The following LPAR1 variants were observed in gnomAD, a reference collection of about 807,000 sequenced individuals.
LPAR1 encodes lysophosphatidic acid receptor 1.
In LPAR1, 5 loss-of-function variants were observed where a neutral mutation model predicts 23.8. The ratio of observed to expected loss-of-function variants is 0.21; its 90% CI spans 0.11 to 0.44. The LOEUF (loss-of-function observed/expected upper bound fraction) is 0.44, where lower values mean the gene tolerates loss of function less well. Among genes scored for constraint, LPAR1 ranks in the 20% least tolerant of loss-of-function variants. The pLI is 0.99. For missense variants in LPAR1, 311 were observed against 482.8 expected, an observed-to-expected ratio of 0.64 and a Z score of 3.33; for synonymous variants, 160 against 164.7, an observed-to-expected ratio of 0.97 and a Z score of 0.22.
intron 2 of LPAR1, among the ~76,000 whole-genome samples, chr9:111,021,835 C>A (rs2097564817): frequency 6.6e-6 from 1 of 151,894 alleles, no homozygotes; most frequent in African/African-American, 2.4e-5. Flanking sequence ...GGGGCAGACA[C>A]CTGTAATCCC....
rs1371104919 is a variant in LPAR1 at position 110,892,856 on chromosome 9, GGCAGGCAGGCAT to G, written c.794-17146_794-17135del. ...AGGCAGGCAGGCAGGCAGGCAGGCA[GGCAGGCAGGCAT>G]GCAGGCAGGCAGGCTCAAAAACACT... is the stretch of plus-strand genomic sequence containing the variant. On this transcript the variant is annotated intron_variant, in intron 5 of 5. Coordinates refer to ENST00000683809, the MANE Select transcript of LPAR1 (RefSeq NM_001351411.2). Among the ~76,000 whole-genome samples, 687 of 112,182 alleles carry G rather than the reference GGCAGGCAGGCAT, an allele frequency of 6.1e-3. 6 individuals are homozygous for G. Among genetic ancestry groups the G allele is most frequent in the South Asian group, 0.013 (40 of 3,158 alleles). 73.6% of individuals were successfully genotyped at this position (112,182 alleles called of 152,430 possible). A position where few individuals can be genotyped will look rare whatever the true frequency, so the allele number is the denominator to read the frequency against.
intron 5 of LPAR1, among the ~76,000 whole-genome samples, chr9:110,938,598 A>G (rs1398372377): frequency 6.6e-6 from 1 of 152,132 alleles, no homozygotes; most frequent in East Asian, 1.9e-4. Context: ...TTATGCCTGC[A>G]ATCCCAGCAT....
At chr9:110,914,384 G>C (rs2092815870) in intron 5 of LPAR1, among the ~76,000 whole-genome samples, 1 of 152,186 alleles carries the variant, frequency 6.6e-6, no homozygotes, top group Non-Finnish European at 1.5e-5. Context: ...GAGGGAGAAT[G>C]AGAGCCAAGT....
At chr9:110,946,759 C>T (rs2095397462) in intron 4 of LPAR1, among the ~76,000 whole-genome samples, 1 of 151,976 alleles carries the variant, frequency 6.6e-6, no homozygotes, top group South Asian at 2.1e-4. Context: ...AATAATTGTT[C>T]TTCATAGGGT....
At chr9:110,876,709 T>C (rs1259570674) in intron 5 of LPAR1, among the ~76,000 whole-genome samples, 1 of 152,248 alleles carries the variant, frequency 6.6e-6, no homozygotes, top group Admixed American at 6.5e-5. Flanking sequence ...GATGTTCTAC[T>C]AATTTAGATC....
intron 2 of LPAR1, among the ~76,000 whole-genome samples, chr9:110,988,506 T>C (rs1450957595): frequency 6.6e-6 from 1 of 152,110 alleles, no homozygotes; most frequent in Non-Finnish European, 1.5e-5. Flanking sequence ...TGAATAGATA[T>C]TTTTCTAAGA....
chr9:111,006,861 A>G (rs1292565394), intron 2 of LPAR1, among the ~76,000 whole-genome samples: 1 of 152,110 alleles, frequency 6.6e-6, no homozygotes, highest in Non-Finnish European at 1.5e-5. Context: ...TTTGTCTCCA[A>G]CCAAATCTCA....
At chr9:110,998,123 T>C (rs570243676) in intron 2 of LPAR1, among the ~76,000 whole-genome samples, 36 of 152,310 alleles carry the variant, frequency 2.4e-4, no homozygotes, top group African/African-American at 8.4e-4. Flanking sequence ...GTGCTGCTCA[T>C]GGGGCCACAC....
chr9:110,997,301 G>C (rs2097032238), intron 2 of LPAR1, among the ~76,000 whole-genome samples: 1 of 152,156 alleles, frequency 6.6e-6, no homozygotes, highest in Non-Finnish European at 1.5e-5. Context: ...TAAAGAACAA[G>C]AGTCATGGAT....
intron 5 of LPAR1, among the ~76,000 whole-genome samples, chr9:110,906,530 T>C (rs900358281): frequency 1.3e-5 from 2 of 152,156 alleles, no homozygotes; most frequent in African/African-American, 4.8e-5. Context: ...GCCAAAATGG[T>C]CACCTCAAAA....
chr9:111,038,811 C>A (rs1009295387), upstream of LPAR1: 4 of 329,450 alleles, frequency 1.2e-5, no homozygotes, highest in Admixed American at 3.9e-5. The surrounding 1 kb of genome is among the most constrained non-coding windows in gnomAD (Gnocchi z 4.4). Flanking sequence ...TCGACACACC[C>A]GCAGCGGGAG....
chr9:110,959,618 A>T (rs2095883031), intron 4 of LPAR1, among the ~76,000 whole-genome samples: 1 of 152,110 alleles, frequency 6.6e-6, no homozygotes, highest in African/African-American at 2.4e-5. Flanking sequence ...AACCTGTCTC[A>T]AAAAACAAAC....
intron 5 of LPAR1, among the ~76,000 whole-genome samples, chr9:110,876,950 C>A (rs138850763): frequency 2.6e-3 from 389 of 152,266 alleles, no homozygotes; most frequent in African/African-American, 9.0e-3. Flanking sequence ...GAGCCAACAG[C>A]GGTGGGCACC....
intron 5 of LPAR1, among the ~76,000 whole-genome samples, chr9:110,908,642 C>G (rs971112985): frequency 6.6e-6 from 1 of 152,072 alleles, no homozygotes; most frequent in African/African-American, 2.4e-5. Context: ...TTCTGTGGAC[C>G]AGAAATTCCC....
Position 110,916,425 on chromosome 9 carries a change from A to G in LPAR1, c.793+24996T>C, listed in dbSNP as rs188230762. Among the ~76,000 whole-genome samples the G allele has an allele frequency of 5.9e-5, 9 of 152,354 alleles. No individual in the cohort carries two copies. The East Asian group carries it at 1.5e-3, about 26-fold the overall frequency. ...AAGTATGTCAAAATGGTGGTGGTCA[A>G]GTTCAGAATCACTTTTGTAACCTTA... On this transcript the variant is annotated intron_variant, in intron 5 of 5. Transcript: ENST00000683809.
intron 2 of LPAR1, among the ~76,000 whole-genome samples, chr9:111,009,695 CAT>C (rs1004898813): frequency 6.6e-6 from 1 of 151,116 alleles, no homozygotes; most frequent in Non-Finnish European, 1.5e-5. Flanking sequence ...TAATACTGGG[CAT>C]ATATATATGT....
intron 5 of LPAR1, among the ~76,000 whole-genome samples, chr9:110,912,786 G>C (rs1003298654): frequency 6.7e-6 from 1 of 150,030 alleles, no homozygotes; most frequent in African/African-American, 2.5e-5. Flanking sequence ...ATGCCACCAG[G>C]ACATTCTGTT....
At chr9:110,999,106 T>C (rs2097079406) in intron 2 of LPAR1, among the ~76,000 whole-genome samples, 1 of 152,162 alleles carries the variant, frequency 6.6e-6, no homozygotes, top group Non-Finnish European at 1.5e-5. Flanking sequence ...AATTAATATA[T>C]CCCGCACATG....
At chr9:110,900,324 T>G (rs1333588908) in intron 5 of LPAR1, among the ~76,000 whole-genome samples, 1 of 152,166 alleles carries the variant, frequency 6.6e-6, no homozygotes, top group African/African-American at 2.4e-5. Flanking sequence ...CCTCCCTATC[T>G]CAAGGCCTTT....
Sources: allele counts gnomAD v4.1 joint callset (sites outside exome capture counted in the v4.1 genomes callset), GRCh38; gene constraint gnomAD v4.1.1; non-coding constraint Gnocchi (gnomAD v3.1); transcripts MANE v1.5; gene names NCBI Gene and HGNC (gene_info 2026-07-23, HGNC 2026-07-21).